CRACD: variants seen among roughly 807,000 people sequenced by gnomAD.
CRACD encodes capping protein inhibiting regulator of actin dynamics.
CRACD carries 56 observed loss-of-function variants against 106.8 expected under a neutral mutation model. The observed-to-expected ratio is 0.52, with a 90% CI of 0.42 to 0.66. The LOEUF is 0.66. Among genes scored for constraint, CRACD ranks in the 30% least tolerant of loss-of-function variants. The probability of loss-of-function intolerance (pLI) is 0.00; values close to 1 mark genes in which losing one functional copy is unlikely to be tolerated. For synonymous variants in CRACD, 754 were observed against 670.8 expected (o/e 1.12, Z -1.92); for missense variants, 1,730 against 1,623.2 (o/e 1.07, Z -1.13).
chr4:56,269,700 G>C (rs184906606), intron 2 of CRACD, among the ~76,000 whole-genome samples: 35 of 151,600 alleles, frequency 2.3e-4, no homozygotes, highest in Admixed American at 2.1e-3. Context: ...TGAGTAGCTG[G>C]GACTACAGGC....
intron 6 of CRACD, among the ~76,000 whole-genome samples, chr4:56,312,344 G>C (rs1057348557): frequency 3.9e-5 from 6 of 152,098 alleles, no homozygotes; most frequent in Non-Finnish European, 8.8e-5. Flanking sequence ...AAAGTATTTA[G>C]TAGAGATGGG....
chr4:56,253,478 G>A (rs2109593706), intron 2 of CRACD, among the ~76,000 whole-genome samples: 1 of 152,292 alleles, frequency 6.6e-6, no homozygotes, highest in African/African-American at 2.4e-5. Flanking sequence ...AGGTGGCCAA[G>A]CCCAGATCTT....
Position 56,307,642 on chromosome 4 carries a change from C to T in CRACD, c.228C>T (p.Thr76=). Reference sequence around the variant, plus strand: ...GCTTAGAAGAGGATCTGTTCCTGACCAGTCCCATGGAAATTGTGACTCAGC... The same window carrying T: ...GCTTAGAAGAGGATCTGTTCCTGACTAGTCCCATGGAAATTGTGACTCAGC... ...EASLEEDLFL[T]SPMEIVTQQD... The change falls in exon 5 of 11, where the codon ACC becomes ACT. Residue 76 remains threonine (T), a synonymous_variant. Coordinates refer to ENST00000682029, the MANE Select transcript of CRACD (RefSeq NM_001393381.1). 1.2e-6 allele frequency: 2 copies of T among 1,614,160 alleles called. No homozygotes were observed. The highest frequency in any genetic ancestry group is 2.2e-5 in the East Asian group (1 of 44,876).
chr4:56,313,825 G>A (rs1479027269), intron 7 of CRACD, among the ~76,000 whole-genome samples: 9 of 152,060 alleles, frequency 5.9e-5, no homozygotes, highest in East Asian at 3.9e-4. Context: ...GGGGAGGGGG[G>A]CGCGGAAACA....
chr4:56,314,424 C>G lies in CRACD; in HGVS notation c.922C>G (p.Arg308Gly), dbSNP rs574999865. 1 of 1,542,898 alleles carries G rather than the reference C, an allele frequency of 6.5e-7. No individual in the cohort carries two copies. The highest frequency in any genetic ancestry group is 1.2e-5 in the South Asian group (1 of 83,524). Residue 308 changes from arginine (R) to glycine (G), a missense_variant, in exon 8 of 11, where the codon CGT becomes GGT. Physicochemically the swap from Arg to Gly is moderately radical, Grantham distance 125. This residue lies in a region of CRACD where 1,620 missense variants were observed against 1,481.6 expected (regional missense o/e 1.09). Transcript: ENST00000682029. The surrounding 1 kb of genome is among the most constrained non-coding windows in gnomAD (Gnocchi z 4.4). The part of the protein sequence containing the change: ...PGWEDAERRE[R>G]EERERLEAEE... The stretch of plus-strand genomic sequence containing the variant: ...TTGGGAGGACGCGGAGCGGAGGGAG[C>G]GTGAGGAGCGCGAGCGCCTGGAGGC...
At chr4:56,268,344 A>G (rs1742146755) in intron 2 of CRACD, among the ~76,000 whole-genome samples, 1 of 152,124 alleles carries the variant, frequency 6.6e-6, no homozygotes, top group Non-Finnish European at 1.5e-5. Context: ...CTGTGGACCC[A>G]GGCTGGGATA....
chr4:56,284,176 G>A (rs918403934), intron 3 of CRACD, among the ~76,000 whole-genome samples: 2 of 151,526 alleles, frequency 1.3e-5, no homozygotes, highest in Admixed American at 1.3e-4. Context: ...ATGTTTGGTG[G>A]GGCACAGCGG....
At position 56,264,444 on chromosome 4, in the gene CRACD, T is replaced by C. The variant is rs184222247; in HGVS notation, c.-188-7877T>C. ...GAAGCCTAACCACATATACCACATA[T>C]ACCACATATGCCACATATGCCATAG... On this transcript the variant is annotated intron_variant, in intron 2 of 10. Coordinates refer to ENST00000682029, the MANE Select transcript of CRACD (RefSeq NM_001393381.1). Among the ~76,000 whole-genome samples, 252 of 140,794 alleles carry C rather than the reference T, an allele frequency of 1.8e-3. 1 individual carries two copies. Among genetic ancestry groups the C allele is most frequent in the Non-Finnish European group, 3.2e-3 (201 of 62,772 alleles). 92.4% of individuals were successfully genotyped at this position (140,794 alleles called of 152,430 possible).
intron 6 of CRACD, 176 bp downstream of exon 6, chr4:56,310,910 T>G: frequency 1.7e-6 from 1 of 579,124 alleles, no homozygotes; most frequent in Non-Finnish European, 3.1e-6. Context: ...TCTGTTTCCA[T>G]GGCAAGGCAA....
chr4:56,164,328 G>T (rs1160377941), intron 1 of CRACD, among the ~76,000 whole-genome samples: 2 of 151,512 alleles, frequency 1.3e-5, no homozygotes, highest in Non-Finnish European at 2.9e-5. Flanking sequence ...TAGAGATGAG[G>T]TTTCACCGTG....
intron 3 of CRACD, among the ~76,000 whole-genome samples, chr4:56,295,688 T>TATAG (rs1743977882): frequency 7.6e-6 from 1 of 132,316 alleles, no homozygotes; most frequent in African/African-American, 3.1e-5. Flanking sequence ...TATATATATA[T>TATAG]ATATATATAT....
chr4:56,227,788 A>G (rs1739385096), intron 2 of CRACD, among the ~76,000 whole-genome samples: 1 of 152,208 alleles, frequency 6.6e-6, no homozygotes. Flanking sequence ...TCTCATGATC[A>G]GCAACAAGTG....
chr4:56,070,733 T>TG (rs948642848), intron 1 of CRACD, among the ~76,000 whole-genome samples: 3 of 152,000 alleles, frequency 2.0e-5, no homozygotes, highest in Non-Finnish European at 4.4e-5. Flanking sequence ...GGGGTGGTGA[T>TG]GGGGGGTCAA....
intron 3 of CRACD, among the ~76,000 whole-genome samples, chr4:56,276,943 G>A (rs1742707175): frequency 6.6e-6 from 1 of 152,234 alleles, no homozygotes; most frequent in Non-Finnish European, 1.5e-5. Context: ...GAGTTCTGGA[G>A]AATATGAGCT....
chr4:56,247,928 C>T (rs1367577262), intron 2 of CRACD, among the ~76,000 whole-genome samples: 1 of 151,688 alleles, frequency 6.6e-6, no homozygotes, highest in African/African-American at 2.4e-5. Flanking sequence ...GTCATACTTA[C>T]AGTACTCCAC....
intron 2 of CRACD, among the ~76,000 whole-genome samples, chr4:56,182,903 A>T (rs1044875019): frequency 1.1e-5 from 1 of 92,882 alleles, no homozygotes; most frequent in African/African-American, 5.3e-5. Flanking sequence ...GTGTGTGTGT[A>T]TGGCTCCCTG....
rs545956474 is a variant in CRACD at position 56,168,527 on chromosome 4, G to A, written c.-335-10757G>A. Among the ~76,000 whole-genome samples, 4 of 151,254 alleles carry A rather than the reference G, an allele frequency of 2.6e-5. No homozygotes were observed. The South Asian group carries it at 8.4e-4, about 32-fold the overall frequency. The stretch of plus-strand genomic sequence containing the variant: ...TACCATGTATTTGTTTTTGGTATTA[G>A]GATTATGCTGGTCTCATAAAATGAG... On this transcript the variant is annotated intron_variant, in intron 1 of 10. Coordinates refer to ENST00000682029, the MANE Select transcript of CRACD (RefSeq NM_001393381.1).
chr4:56,196,814 G>A (rs1489126186), intron 2 of CRACD, among the ~76,000 whole-genome samples: 2 of 152,048 alleles, frequency 1.3e-5, no homozygotes, highest in African/African-American at 4.8e-5. Flanking sequence ...GAAAGGAAGA[G>A]GCAGAAAACT....
chr4:56,248,428 C>T (rs965611026), intron 2 of CRACD, among the ~76,000 whole-genome samples: 2 of 152,016 alleles, frequency 1.3e-5, no homozygotes, highest in African/African-American at 4.8e-5. Context: ...TATTTTGCTC[C>T]CATCATAATT....
Sources: allele counts gnomAD v4.1 joint callset (sites outside exome capture counted in the v4.1 genomes callset), GRCh38; gene constraint gnomAD v4.1.1; regional missense constraint gnomAD v4.1.1; non-coding constraint Gnocchi (gnomAD v3.1); transcripts MANE v1.5; gene names NCBI Gene and HGNC (gene_info 2026-07-23, HGNC 2026-07-21).